Variants in EVC2 observed in about 807,000 individuals in gnomAD.
The protein encoded by EVC2 is EvC ciliary complex subunit 2.
A neutral mutation model predicts 149.3 loss-of-function variants in EVC2; 148 were observed. The ratio of observed to expected loss-of-function variants is 0.99; its 90% CI spans 0.87 to 1.14. The LOEUF is 1.14. Ranked by LOEUF, EVC2 falls within the 50% of genes most tolerant of loss-of-function variation. The pLI, the probability that EVC2 is intolerant of heterozygous loss-of-function variation, is 0.00. For synonymous variants in EVC2, 776 were observed against 649.9 expected, an observed-to-expected ratio of 1.19 and a Z score of -2.95; for missense variants, 1,854 against 1,627.3, an observed-to-expected ratio of 1.14 and a Z score of -2.40.
At position 5,622,493 on chromosome 4, in the gene EVC2, C is replaced by T. The variant is rs760785116; in HGVS notation, c.2501+44G>A. 5.6e-6 allele frequency: 9 copies of T among 1,596,290 alleles called. 1 individual carries two copies. Among genetic ancestry groups the T allele is most frequent in the Non-Finnish European group, 7.7e-6 (9 of 1,170,136 alleles). On this transcript the variant is annotated intron_variant, in intron 14 of 21. Coordinates refer to ENST00000344408, the MANE Select transcript of EVC2 (RefSeq NM_147127.5). The surrounding 1 kb of genome is among the most constrained non-coding windows in gnomAD (Gnocchi z 5.8). ...CACAGGGCAGGAATCTCCCTGGCATCAACGGGATGGGGAGGGGTGATTACG... is the reference window on the plus strand; with the variant it reads ...CACAGGGCAGGAATCTCCCTGGCATTAACGGGATGGGGAGGGGTGATTACG...
intron 7 of EVC2, among the ~76,000 whole-genome samples, chr4:5,674,748 T>C (rs1373461813): frequency 6.6e-6 from 1 of 152,136 alleles, no homozygotes; most frequent in East Asian, 1.9e-4. Flanking sequence ...ACTTTCCTGA[T>C]GGATCCTGAA....
intron 17 of EVC2, 124 bp downstream of exon 17, chr4:5,584,499 C>A: frequency 9.9e-7 from 1 of 1,006,410 alleles, no homozygotes; most frequent in Non-Finnish European, 1.5e-6. Context: ...TCGTTTAATC[C>A]TCACCACAAC....
chr4:5,565,272 G>T lies in EVC2; in HGVS notation c.3645C>A (p.Arg1215=), dbSNP rs1419927378. 1 of 1,613,850 alleles carries T rather than the reference G, an allele frequency of 6.2e-7. No homozygotes were observed. Among genetic ancestry groups the T allele is most frequent in the South Asian group, 1.1e-5 (1 of 91,062 alleles). Residue 1215 remains arginine (R), a synonymous_variant, in exon 21 of 22, where the codon CGC becomes CGA. Coordinates refer to ENST00000344408, the MANE Select transcript of EVC2 (RefSeq NM_147127.5). The part of the protein sequence containing the change: ...SRGLEKMLWA[R]KRKQSILKKT... Reference sequence around the variant, plus strand: ...CCCATCATTACCTCTGCTTTCTCTTGCGGGCCCACAGCATCTTTTCTAATC... The same window carrying T: ...CCCATCATTACCTCTGCTTTCTCTTTCGGGCCCACAGCATCTTTTCTAATC...
At chr4:5,559,622 C>T (rs976247246), downstream of EVC2, among the ~76,000 whole-genome samples, 6 of 152,018 alleles carry the variant, frequency 3.9e-5, no homozygotes, top group Non-Finnish European at 7.3e-5. This position sits in a 1 kb window ranked among gnomAD's most constrained non-coding sequence, Gnocchi z 5.0. Flanking sequence ...AGGAAGTACT[C>T]GGAAAAACAT....
chr4:5,667,508 C>T (rs1719358560), intron 7 of EVC2, among the ~76,000 whole-genome samples: 1 of 152,140 alleles, frequency 6.6e-6, no homozygotes, highest in Non-Finnish European at 1.5e-5. Flanking sequence ...TTTTTCCTTT[C>T]ATAGGGGGTC....
intron 1 of EVC2, among the ~76,000 whole-genome samples, chr4:5,703,256 T>C (rs28463990): frequency 0.12 from 18,526 of 152,238 alleles, 1,315 homozygotes; most frequent in African/African-American, 0.2. Context: ...TAACTATTAT[T>C]ATCACCGCTC....
At chr4:5,704,948 G>A (rs374759307) in intron 1 of EVC2, among the ~76,000 whole-genome samples, 23 of 152,064 alleles carry the variant, frequency 1.5e-4, no homozygotes, top group Non-Finnish European at 2.9e-4. Context: ...GACCTCAAGC[G>A]ATCCTCCTGA....
chr4:5,651,058 G>C (rs1718108526), intron 9 of EVC2, among the ~76,000 whole-genome samples: 1 of 152,040 alleles, frequency 6.6e-6, no homozygotes. Flanking sequence ...ATGGGTGAAT[G>C]GACAGATGGA....
At chr4:5,692,137 G>A (rs1017081842) in intron 3 of EVC2, among the ~76,000 whole-genome samples, 4 of 152,156 alleles carry the variant, frequency 2.6e-5, no homozygotes, top group Non-Finnish European at 5.9e-5. Flanking sequence ...TCTGAGTCAC[G>A]GACTCTGGCA....
intron 10 of EVC2, among the ~76,000 whole-genome samples, chr4:5,635,028 GCTT>G (rs1180857258): frequency 1.1e-5 from 1 of 92,182 alleles, no homozygotes; most frequent in Non-Finnish European, 2.1e-5. Flanking sequence ...CAACAAATGT[GCTT>G]TTTTTTTTTT....
At chr4:5,571,418 A>G (rs1722639302) in intron 19 of EVC2, among the ~76,000 whole-genome samples, 1 of 151,312 alleles carries the variant, frequency 6.6e-6, no homozygotes, top group Admixed American at 6.6e-5. Context: ...GAACTTATCC[A>G]TGTAACCAAA....
At position 5,546,148 on chromosome 4, in the gene EVC2, G is replaced by C. The variant is rs185751876; in HGVS notation, c.3420-2936C>G. 2.2e-4 allele frequency among the ~76,000 whole-genome samples: 33 copies of C among 152,326 alleles called. No individual in the cohort carries two copies. In the East Asian group the frequency reaches 2.5e-3, roughly 12 times the overall value. Reference sequence around the variant, plus strand: ...AAACTAGTTCAACCATTGTGGAAGTGAGTGTGGCAATTCCTCGGGGATCTA... The same window carrying C: ...AAACTAGTTCAACCATTGTGGAAGTCAGTGTGGCAATTCCTCGGGGATCTA... On this transcript the variant is annotated intron_variant and NMD_transcript_variant, in intron 21 of 22. Transcript: ENST00000475313.
Position 5,633,729 on chromosome 4 carries a change from G to A in EVC2, c.1471-1697C>T, listed in dbSNP as rs1008614283. Among the ~76,000 whole-genome samples, 4 of 152,230 alleles carry A rather than the reference G, an allele frequency of 2.6e-5. No individual in the cohort carries two copies. Among genetic ancestry groups the A allele is most frequent in the East Asian group, 1.9e-4 (1 of 5,186 alleles). ...GCCCGAGGAAGGCAGAAGGGGCTCC[G>A]GTGCACAGGGCAAAGGCCAGAGCTC... On this transcript the variant is annotated intron_variant, in intron 10 of 21. Transcript: ENST00000344408. This position sits in a 1 kb window ranked among gnomAD's most constrained non-coding sequence, Gnocchi z 4.4.
chr4:5,602,970 G>A (rs1012657201), intron 16 of EVC2, among the ~76,000 whole-genome samples: 9 of 152,168 alleles, frequency 5.9e-5, no homozygotes, highest in African/African-American at 1.7e-4. Context: ...GTGTGTGCAT[G>A]GCTGGGGGAA....
intron 17 of EVC2, 94 bp downstream of exon 17, chr4:5,584,528 CG>C (rs2108788092): frequency 8.0e-7 from 1 of 1,253,402 alleles, no homozygotes. Flanking sequence ...ACAGACAGGA[CG>C]GGGGTTGCAG....
rs1715750283 is a variant in EVC2 at position 5,622,357 on chromosome 4, T to TG, written c.2501+179dup. Among the ~76,000 whole-genome samples the TG allele has an allele frequency of 6.6e-6, 1 of 152,102 alleles. No homozygotes were observed. Among genetic ancestry groups the TG allele is most frequent in the South Asian group, 2.1e-4 (1 of 4,832 alleles). ...ACTCTGCTCAATCCTTGTAGGGTCC[T>TG]GCGTGACATTCGAGGTCCTCCCCCC... On this transcript the variant is annotated intron_variant, in intron 14 of 21. Transcript: ENST00000344408. This position sits in a 1 kb window ranked among gnomAD's most constrained non-coding sequence, Gnocchi z 5.8.
chr4:5,593,182 G>A (rs1279667845), intron 16 of EVC2, among the ~76,000 whole-genome samples: 4 of 152,010 alleles, frequency 2.6e-5, no homozygotes, highest in Non-Finnish European at 5.9e-5. Flanking sequence ...ACCCAGTCTC[G>A]GGTATGTCCT....
chr4:5,665,669 G>A lies in EVC2; in HGVS notation c.871-20C>T. 6.2e-7 allele frequency: 1 copy of A among 1,613,588 alleles called. No individual in the cohort carries two copies. The highest frequency in any genetic ancestry group is 8.5e-7 in the Non-Finnish European group (1 of 1,179,836). ...CAGAACCTGTGGAGACAAGAGGAGAGCAGGATTCATGTGTGGTCAGACAGC... is the reference window on the plus strand; with the variant it reads ...CAGAACCTGTGGAGACAAGAGGAGAACAGGATTCATGTGTGGTCAGACAGC... On this transcript the variant is annotated intron_variant, in intron 7 of 21. Coordinates refer to ENST00000344408, the MANE Select transcript of EVC2 (RefSeq NM_147127.5).
chr4:5,573,432 A>C (rs1294084152), intron 19 of EVC2, among the ~76,000 whole-genome samples: 1 of 152,170 alleles, frequency 6.6e-6, no homozygotes, highest in East Asian at 1.9e-4. Flanking sequence ...TTTGAAGATG[A>C]AGAAAGGAGG....
Sources: allele counts gnomAD v4.1 joint callset (sites outside exome capture counted in the v4.1 genomes callset), GRCh38; gene constraint gnomAD v4.1.1; non-coding constraint Gnocchi (gnomAD v3.1); transcripts MANE v1.5; gene names NCBI Gene and HGNC (gene_info 2026-07-23, HGNC 2026-07-21).